DGKI: variants seen among roughly 807,000 people sequenced by gnomAD.
DGKI encodes diacylglycerol kinase iota, also known as DAG kinase iota.
A neutral mutation model predicts 147.5 loss-of-function variants in DGKI; 55 were observed. The observed-to-expected ratio is 0.37, with a 90% CI of 0.30 to 0.47. The LOEUF is 0.47. DGKI is among the 20% of genes least tolerant of loss of function. The pLI is 1.00. For missense variants in DGKI, 1,007 were observed against 1,323.8 expected (o/e 0.76, Z 3.71); for synonymous variants, 469 against 477.1 (o/e 0.98, Z 0.22).
intron 23 of DGKI, among the ~76,000 whole-genome samples, chr7:137,472,323 T>TGTATATACATATAATAA: frequency 2.0e-5 from 2 of 100,850 alleles, no homozygotes; most frequent in African/African-American, 5.2e-5. Flanking sequence ...CATATAATTA[T>TGTATATACATATAATAA]TATATGTATA....
intron 3 of DGKI, among the ~76,000 whole-genome samples, chr7:137,662,256 TTTTC>T (rs1822462191): frequency 6.6e-6 from 1 of 150,846 alleles, no homozygotes; most frequent in African/African-American, 2.4e-5. Flanking sequence ...TTTTTTTTTT[TTTTC>T]GAGACAGAGT....
chr7:137,646,960 A>T (rs1821846272), intron 5 of DGKI, among the ~76,000 whole-genome samples: 1 of 152,150 alleles, frequency 6.6e-6, no homozygotes, highest in Non-Finnish European at 1.5e-5. Context: ...CTAAACAAAG[A>T]CCCTGGAGGA....
At chr7:137,731,516 T>C (rs1794883414) in intron 1 of DGKI, among the ~76,000 whole-genome samples, 1 of 152,088 alleles carries the variant, frequency 6.6e-6, no homozygotes, top group Admixed American at 6.6e-5. Flanking sequence ...TTCTTCATCA[T>C]CATTATGTGC....
rs113327473 is a variant in DGKI, at chr7:137,419,614, C to T, written c.2762-7407G>A. On this transcript the variant is annotated intron_variant, in intron 28 of 32. Coordinates refer to ENST00000614521, the MANE Select transcript of DGKI (RefSeq NM_001321708.2). ...ACACGAATTCACAGGTATGGATGAC[C>T]GCTGTGAATTATGCTAATGAGGCAT... Among the ~76,000 whole-genome samples, 1,268 of 152,098 alleles carry T rather than the reference C, an allele frequency of 8.3e-3. 20 individuals are homozygous for T. The highest frequency in any genetic ancestry group is 0.029 in the African/African-American group (1,204 of 41,478).
At chr7:137,623,459 T>C (rs757517736) in intron 7 of DGKI, 24 bp downstream of exon 7, 7 of 1,605,878 alleles carry the variant, frequency 4.4e-6, no homozygotes, top group Non-Finnish European at 6.0e-6. Context: ...GAGCCCACAT[T>C]GCTTTATTTC....
chr7:137,617,843 A>T (rs956425967), intron 8 of DGKI, among the ~76,000 whole-genome samples: 3 of 151,972 alleles, frequency 2.0e-5, no homozygotes, highest in Admixed American at 6.6e-5. Context: ...ATCTCAAAAG[A>T]AAAAGGTAAT....
chr7:137,407,137 A>ATTTTATTTTTTTGTAT (rs1360546007), intron 30 of DGKI, among the ~76,000 whole-genome samples: 5 of 152,302 alleles, frequency 3.3e-5, no homozygotes, highest in South Asian at 4.1e-4. Context: ...GCTAGGCAGT[A>ATTTTATTTTTTTGTAT]TTTTTCCCCT....
intron 21 of DGKI, among the ~76,000 whole-genome samples, chr7:137,513,351 C>T (rs1230387594): frequency 6.6e-6 from 1 of 152,136 alleles, no homozygotes; most frequent in Non-Finnish European, 1.5e-5. Flanking sequence ...CTGCATTTGG[C>T]CCTCTTCTGA....
chr7:137,613,837 T>A (rs1179524257), intron 8 of DGKI, among the ~76,000 whole-genome samples: 4 of 152,094 alleles, frequency 2.6e-5, no homozygotes, highest in Non-Finnish European at 5.9e-5. Context: ...GAAAGGCAAG[T>A]TTTAAAGCAT....
chr7:137,732,482 G>C (rs2116668385), intron 1 of DGKI, among the ~76,000 whole-genome samples: 2 of 152,090 alleles, frequency 1.3e-5, no homozygotes, highest in Middle Eastern at 6.8e-3. Context: ...AACTGCCCTA[G>C]AACCTGCAGC....
rs1246019999 is a variant in DGKI at position 137,388,740 on chromosome 7, A to G, written c.*2480T>C. 6.6e-6 allele frequency: 1 copy of G among 151,604 alleles called. No individual in the cohort carries two copies. Among genetic ancestry groups the G allele is most frequent in the Non-Finnish European group, 1.5e-5 (1 of 67,954 alleles). The allele number at this position is 151,604 out of a possible 1,614,324, so 9.4% of individuals were successfully genotyped here. A position where few individuals can be genotyped will look rare whatever the true frequency, so the allele number is the denominator to read the frequency against. On this transcript the variant is annotated 3_prime_UTR_variant, in exon 33 of 33. Coordinates refer to ENST00000614521, the MANE Select transcript of DGKI (RefSeq NM_001321708.2). ...TTTGGAAATCCCAAGTCCTAGTGGT[A>G]CTTGCTTTTTTCAAAGCGATATATC...
At chr7:137,696,872 G>T (rs1823807892) in intron 1 of DGKI, among the ~76,000 whole-genome samples, 1 of 152,086 alleles carries the variant, frequency 6.6e-6, no homozygotes, top group Non-Finnish European at 1.5e-5. Flanking sequence ...ATTAGGACAG[G>T]CCCCTAACCT....
At chr7:137,738,367 G>A (rs1290710219) in intron 1 of DGKI, among the ~76,000 whole-genome samples, 3 of 151,968 alleles carry the variant, frequency 2.0e-5, no homozygotes, top group African/African-American at 2.4e-5. Context: ...ATTATAATGG[G>A]TTATACAAAG....
chr7:137,564,572 T>TA (rs200050405), intron 19 of DGKI, among the ~76,000 whole-genome samples: 6 of 138,228 alleles, frequency 4.3e-5, no homozygotes, highest in South Asian at 4.6e-4. Context: ...TGACTTCTTT[T>TA]AAAAAAAACA....
At chr7:137,787,255 G>T (rs1257879731) in intron 1 of DGKI, among the ~76,000 whole-genome samples, 1 of 151,792 alleles carries the variant, frequency 6.6e-6, no homozygotes, top group African/African-American at 2.4e-5. Context: ...AATCTACAAA[G>T]AACGCAAACA....
chr7:137,754,314 T>C (rs1319416878), intron 1 of DGKI, among the ~76,000 whole-genome samples: 1 of 152,140 alleles, frequency 6.6e-6, no homozygotes, highest in Non-Finnish European at 1.5e-5. Flanking sequence ...TCCCCTCCTG[T>C]GGCTTAAGAG....
At chr7:137,804,583 C>T (rs915356156) in intron 1 of DGKI, among the ~76,000 whole-genome samples, 4 of 152,088 alleles carry the variant, frequency 2.6e-5, no homozygotes, top group African/African-American at 4.8e-5. Flanking sequence ...AAGATGTAAA[C>T]GTTTTTGGTG....
intron 1 of DGKI, among the ~76,000 whole-genome samples, chr7:137,726,719 A>G (rs1429262660): frequency 6.6e-6 from 1 of 152,210 alleles, no homozygotes; most frequent in Non-Finnish European, 1.5e-5. Context: ...TGAGCTAAGA[A>G]TTCCTAAAAC....
At chr7:137,650,900 T>A (rs375472124) in intron 5 of DGKI, among the ~76,000 whole-genome samples, 1 of 152,302 alleles carries the variant, frequency 6.6e-6, no homozygotes, top group Non-Finnish European at 1.5e-5. Flanking sequence ...AGTACAGCAG[T>A]GAAATACACA....
Sources: allele counts gnomAD v4.1 joint callset (sites outside exome capture counted in the v4.1 genomes callset), GRCh38; gene constraint gnomAD v4.1.1; transcripts MANE v1.5; gene names NCBI Gene and HGNC (gene_info 2026-07-23, HGNC 2026-07-21).